The following MACROD1 variants were observed in gnomAD, a reference collection of about 807,000 sequenced individuals.
MACROD1 encodes the protein mono-ADP ribosylhydrolase 1.
Under a neutral mutation model 41.4 loss-of-function variants are expected in MACROD1, and 31 were observed. The ratio of observed to expected loss-of-function variants is 0.75; its 90% CI spans 0.56 to 1.01. The LOEUF is 1.01. Ranked by LOEUF, MACROD1 falls within the 50% of genes least tolerant of loss-of-function variation. The pLI, the probability that MACROD1 is intolerant of heterozygous loss-of-function variation, is 0.00. For missense variants in MACROD1, 473 were observed against 460.0 expected (o/e 1.03, Z -0.26); for synonymous variants, 252 against 203.4 (o/e 1.24, Z -2.03).
chr11:64,160,311 C>A (rs886512881), intron 1 of MACROD1, among the ~76,000 whole-genome samples: 4 of 152,276 alleles, frequency 2.6e-5, no homozygotes, highest in South Asian at 4.1e-4. Context: ...TCAGGCACAC[C>A]TGAGTTTTCA....
At chr11:64,050,493 G>A (rs537026703) in intron 3 of MACROD1, among the ~76,000 whole-genome samples, 16 of 152,338 alleles carry the variant, frequency 1.1e-4, no homozygotes, top group African/African-American at 3.4e-4. Context: ...TGTGGCCATG[G>A]ATGCTTCAGC....
In MACROD1 at chr11:64,064,308, G is replaced by T. The variant is rs989749018; in HGVS notation, c.518-49027C>A. On this transcript the variant is annotated intron_variant, in intron 3 of 10. Coordinates refer to ENST00000255681, the MANE Select transcript of MACROD1 (RefSeq NM_014067.4). This position sits in a 1 kb window ranked among gnomAD's most constrained non-coding sequence, Gnocchi z 4.5. ...ACGTGCAGCCCTGTTCAGGCGGCGG[G>T]TAGGGGGGTGATGTCTCATCAGAAG... Among the ~76,000 whole-genome samples the T allele has an allele frequency of 6.6e-6, 1 of 152,222 alleles. No homozygotes were observed. Among genetic ancestry groups the T allele is most frequent in the Admixed American group, 6.5e-5 (1 of 15,294 alleles).
chr11:64,016,958 A>ATTTCTTTC (rs57523907), intron 3 of MACROD1, among the ~76,000 whole-genome samples: 64 of 151,962 alleles, frequency 4.2e-4, no homozygotes, highest in African/African-American at 1.5e-3. Flanking sequence ...ACAAATGCAC[A>ATTTCTTTC]TTTCTTTCTT....
rs1009565915 is a variant in MACROD1 at position 63,999,035 on chromosome 11, A to C, written c.893T>G (p.Val298Gly). ...GAACACGCAGATGATCAGCCGGTCC[A>C]CCTGCGCCAGGGGCTGCTCAGCCTG... ...REWLEQHKDKVDRLIICVFLE... is the reference protein window; with the variant it reads ...REWLEQHKDKGDRLIICVFLE... Residue 298 changes from valine to glycine, a missense_variant and splice_region_variant, in exon 9 of 11, where the codon GTG becomes GGG. Transcript: ENST00000255681. 70 of 1,601,322 alleles carry C rather than the reference A, an allele frequency of 4.4e-5. No homozygotes were observed. The highest frequency in any genetic ancestry group is 5.9e-5 in the Non-Finnish European group (69 of 1,175,098).
chr11:64,116,474 C>T (rs772438866), intron 3 of MACROD1: 12 of 1,614,084 alleles, frequency 7.4e-6, no homozygotes, highest in East Asian at 2.2e-5. Context: ...ACTGCAACGA[C>T]CGGGGACTCA....
At chr11:64,084,161 C>A (rs7115071) in intron 3 of MACROD1, among the ~76,000 whole-genome samples, 51,824 of 152,002 alleles carry the variant, frequency 0.34, 9,487 homozygotes, top group East Asian at 0.48. Context: ...GGCACGCGCG[C>A]CTTCTGCAGT....
At chr11:64,019,328 A>G (rs544796708) in intron 3 of MACROD1, among the ~76,000 whole-genome samples, 31 of 152,192 alleles carry the variant, frequency 2.0e-4, no homozygotes, top group Admixed American at 1.6e-3. Flanking sequence ...AGTCACTGCC[A>G]AGTCCTCTGT....
chr11:64,089,418 T>A (rs1022905536), intron 3 of MACROD1, among the ~76,000 whole-genome samples: 2 of 152,094 alleles, frequency 1.3e-5, no homozygotes, highest in Non-Finnish European at 1.5e-5. Flanking sequence ...AGATTCCCCA[T>A]CTGTAACATG....
At chr11:64,158,030 C>T (rs942786879) in intron 1 of MACROD1, among the ~76,000 whole-genome samples, 18 of 152,180 alleles carry the variant, frequency 1.2e-4, no homozygotes, top group African/African-American at 3.9e-4. Flanking sequence ...AGGCTGCGTC[C>T]CCAAAAGACA....
intron 3 of MACROD1, among the ~76,000 whole-genome samples, chr11:64,079,095 G>A (rs1413626556): frequency 6.6e-6 from 1 of 150,754 alleles, no homozygotes; most frequent in Non-Finnish European, 1.5e-5. Flanking sequence ...CTGTCTCCTG[G>A]CAAGAGATGG....
At chr11:64,045,521 C>T (rs1341535570) in intron 3 of MACROD1, among the ~76,000 whole-genome samples, 3 of 152,186 alleles carry the variant, frequency 2.0e-5, no homozygotes, top group Admixed American at 1.3e-4. Context: ...TCTACCACCC[C>T]TATCCCAGCC....
In MACROD1 at chr11:64,000,354, G is replaced by C. The variant is rs1389230701; in HGVS notation, c.548-11C>G. 6.5e-7 allele frequency: 1 copy of C among 1,549,184 alleles called. No homozygotes were observed. Among genetic ancestry groups the C allele is most frequent in the Admixed American group, 1.9e-5 (1 of 53,498 alleles). On this transcript the variant is annotated splice_polypyrimidine_tract_variant and intron_variant, in intron 4 of 10. Transcript: ENST00000255681. Reference sequence around the variant, plus strand: ...GAATGCAGCCGTCCACTGCGGGAAGGGCGGGCGCGACTGAGCTGGCCTGGC... The same window carrying C: ...GAATGCAGCCGTCCACTGCGGGAAGCGCGGGCGCGACTGAGCTGGCCTGGC...
chr11:64,000,886 G>A (rs1241572856), intron 4 of MACROD1, among the ~76,000 whole-genome samples: 1 of 152,210 alleles, frequency 6.6e-6, no homozygotes, highest in African/African-American at 2.4e-5. Flanking sequence ...AGGAAACCGA[G>A]GCCACCTTGT....
chr11:64,148,747 C>T lies in MACROD1; in HGVS notation c.517+2492G>A, dbSNP rs966428161. ...TTTATGCAGCCCCGAAAAGCCCTGC[C>T]GTTGCCAACGACTTTTATTCCACTA... On this transcript the variant is annotated intron_variant, in intron 3 of 10. Transcript: ENST00000255681. 7.8e-5 allele frequency: 77 copies of T among 985,654 alleles called. 1 individual carries two copies. The highest frequency in any genetic ancestry group is 7.0e-5 in the Non-Finnish European group (58 of 829,938). The allele number at this position is 985,654 out of a possible 1,614,324, so 61.1% of individuals were successfully genotyped here.
At chr11:64,001,738 G>A (rs1304065793) in intron 4 of MACROD1, 1 of 702,346 alleles carries the variant, frequency 1.4e-6, no homozygotes, top group South Asian at 1.5e-5. Flanking sequence ...CTGTAGCCCA[G>A]GGCGAGGCTG....
chr11:64,135,288 A>G (rs1439383167), intron 3 of MACROD1, among the ~76,000 whole-genome samples: 2 of 152,168 alleles, frequency 1.3e-5, no homozygotes, highest in East Asian at 1.9e-4. Flanking sequence ...CGGCCCTCCC[A>G]CTAGAATTCC....
chr11:64,001,483 T>C (rs1238940773), intron 4 of MACROD1: 1 of 702,418 alleles, frequency 1.4e-6, no homozygotes, highest in East Asian at 2.7e-5. Context: ...ACCTTCTCCT[T>C]CATCACCTCA....
At chr11:64,135,353 C>CG (rs1565253873) in intron 3 of MACROD1, among the ~76,000 whole-genome samples, 1 of 152,226 alleles carries the variant, frequency 6.6e-6, no homozygotes, top group African/African-American at 2.4e-5. Flanking sequence ...CCAACTACAA[C>CG]GGTCCCTAAA....
At chr11:63,999,883 T>G (rs1340872120) in intron 5 of MACROD1, 120 bp from the exon 6 acceptor site, 2 of 1,207,178 alleles carry the variant, frequency 1.7e-6, no homozygotes, top group Non-Finnish European at 2.3e-6. Context: ...GCGCTGAGCC[T>G]CCTCCGCGAA....
Sources: allele counts gnomAD v4.1 joint callset (sites outside exome capture counted in the v4.1 genomes callset), GRCh38; gene constraint gnomAD v4.1.1; non-coding constraint Gnocchi (gnomAD v3.1); transcripts MANE v1.5; gene names NCBI Gene and HGNC (gene_info 2026-07-23, HGNC 2026-07-21).